ZNF254: variants seen among roughly 807,000 people sequenced by gnomAD.
ZNF254 encodes zinc finger protein 254.
ZNF254 carries 10 observed loss-of-function variants against 12.4 expected under a neutral mutation model. The ratio of observed to expected loss-of-function variants is 0.80; its 90% confidence interval spans 0.50 to 1.36. The LOEUF (loss-of-function observed/expected upper bound fraction) is 1.36, where lower values mean the gene tolerates loss of function less well. ZNF254 is among the 40% of genes most tolerant of loss of function. The pLI is 0.00. For synonymous variants in ZNF254, 305 were observed against 253.4 expected (o/e 1.20, Z -1.93); for missense variants, 996 against 763.9 (o/e 1.30, Z -3.58).
intron 1 of ZNF254, among the ~76,000 whole-genome samples, chr19:24,089,234 C>T (rs1450473245): frequency 1.3e-5 from 2 of 152,114 alleles, no homozygotes; most frequent in Non-Finnish European, 2.9e-5. Flanking sequence ...CCTTGGCCTC[C>T]GAAAGTGCTG....
In ZNF254 at chr19:24,098,988, C is replaced by CTTTTTTTTTTTTTT. The variant is rs927108646; in HGVS notation, c.31-6937_31-6924dup. 5.3e-5 allele frequency: 4 copies of CTTTTTTTTTTTTTT among 74,768 alleles called. 1 individual carries two copies. The highest frequency in any genetic ancestry group is 7.3e-5 in the Non-Finnish European group (3 of 41,288). 4.6% of individuals were successfully genotyped at this position (74,768 alleles called of 1,614,324 possible). ...CTTCTTCTGCAGCTCAGGCTTCGCT[C>CTTTTTTTTTTTTTT]TTTTTTTTTTTTTTTTTTTTTTTTT... On this transcript the variant is annotated intron_variant, in intron 1 of 3. Transcript: ENST00000357002.
At chr19:24,095,487 A>T (rs1972619052) in intron 1 of ZNF254, among the ~76,000 whole-genome samples, 1 of 152,232 alleles carries the variant, frequency 6.6e-6, no homozygotes, top group South Asian at 2.1e-4. Flanking sequence ...TACATCTGAT[A>T]GAATTCAGCT....
intron 3 of ZNF254, among the ~76,000 whole-genome samples, chr19:24,122,463 G>A (rs1163724937): frequency 6.6e-6 from 1 of 152,114 alleles, no homozygotes; most frequent in Non-Finnish European, 1.5e-5. Flanking sequence ...GACCTTAGGT[G>A]ATCCACCCGC....
At chr19:24,093,830 TG>T (rs1972529223) in intron 1 of ZNF254, among the ~76,000 whole-genome samples, 1 of 152,210 alleles carries the variant, frequency 6.6e-6, no homozygotes. Context: ...AAAAATATTT[TG>T]GTCATTTGAT....
intron 2 of ZNF254, among the ~76,000 whole-genome samples, chr19:24,075,723 C>A (rs1426937034): frequency 6.6e-6 from 1 of 152,214 alleles, no homozygotes; most frequent in African/African-American, 2.4e-5. Context: ...AAGCAGAGAA[C>A]TGGTCTGACT....
chr19:24,041,500 G>A (rs940793909), intron 1 of ZNF254, among the ~76,000 whole-genome samples: 88 of 152,358 alleles, frequency 5.8e-4, no homozygotes, highest in Non-Finnish European at 1.1e-3. Flanking sequence ...CAGCAGTGCT[G>A]GCCCACCGGC....
chr19:24,088,098 G>A (rs1304348238), intron 1 of ZNF254, among the ~76,000 whole-genome samples: 1 of 151,788 alleles, frequency 6.6e-6, no homozygotes, highest in Non-Finnish European at 1.5e-5. Flanking sequence ...AGTAGAGACG[G>A]GGTTTTACCA....
intron 2 of ZNF254, among the ~76,000 whole-genome samples, chr19:24,049,186 A>ATT (rs1970529408): frequency 5.2e-5 from 3 of 57,664 alleles, no homozygotes; most frequent in Admixed American, 4.0e-4. Context: ...CTCTGGTTTT[A>ATT]TATATATATA....
intron 3 of ZNF254, among the ~76,000 whole-genome samples, chr19:24,114,213 T>G (rs1973890158): frequency 6.6e-6 from 1 of 152,152 alleles, no homozygotes. Flanking sequence ...AGAGCCCGCA[T>G]CGCCAAGTCA....
At chr19:24,057,983 C>T (rs17272051) in intron 2 of ZNF254, among the ~76,000 whole-genome samples, 22,598 of 152,192 alleles carry the variant, frequency 0.15, 1,942 homozygotes, top group Middle Eastern at 0.23. Context: ...ATCTTCAGAA[C>T]TGGCCCAGCC....
In ZNF254 at chr19:24,126,575, G is replaced by A. The variant is rs1369060224; in HGVS notation, c.575G>A (p.Cys192Tyr). The A allele has an allele frequency of 5.0e-6, 8 of 1,605,286 alleles. No homozygotes were observed. The highest frequency in any genetic ancestry group is 2.3e-5 in the South Asian group (2 of 88,822). ...TGTAAAAAACGTGTCAAATTATTTT[G>A]CATGCTTTCACATAAAACCCAACAC... ...FKCKKRVKLF[C>Y]MLSHKTQHKS... is the part of the protein sequence containing the mutation. The change falls in exon 4 of 4, where the codon TGC becomes TAC. Residue 192 changes from cysteine (C) to tyrosine (Y), a missense_variant. By Grantham distance (194) the Cys-to-Tyr change is radical. Coordinates refer to ENST00000357002, the MANE Select transcript of ZNF254 (RefSeq NM_203282.4).
intron 2 of ZNF254, among the ~76,000 whole-genome samples, chr19:24,068,974 T>C (rs1442611304): frequency 1.3e-5 from 2 of 152,136 alleles, no homozygotes; most frequent in African/African-American, 2.4e-5. Flanking sequence ...GAGAGTGTCA[T>C]CAAGGGACAA....
chr19:24,033,659 C>T (rs1969848281), intron 1 of ZNF254: 3 of 338,010 alleles, frequency 8.9e-6, no homozygotes, highest in South Asian at 4.6e-5. Context: ...AAGGAGAGAG[C>T]GGGCTGTGAA....
intron 3 of ZNF254, among the ~76,000 whole-genome samples, chr19:24,116,258 G>A (rs1297187039): frequency 3.9e-5 from 6 of 152,080 alleles, no homozygotes; most frequent in Non-Finnish European, 7.4e-5. Flanking sequence ...GCTAGATTAG[G>A]GAAGTTCTCC....
intron 3 of ZNF254, among the ~76,000 whole-genome samples, chr19:24,121,970 A>G (rs1007477304): frequency 3.3e-5 from 5 of 152,054 alleles, no homozygotes; most frequent in African/African-American, 2.4e-5. Context: ...TCAACATCCT[A>G]TTTATGAATC....
chr19:24,107,302 C>A, intron 3 of ZNF254: 7 of 566,736 alleles, frequency 1.2e-5, no homozygotes, highest in Non-Finnish European at 1.9e-5. Context: ...GATAATATGG[C>A]AGTTTCATAA....
intron 3 of ZNF254, among the ~76,000 whole-genome samples, chr19:24,111,106 C>T (rs1973650140): frequency 8.6e-6 from 1 of 116,120 alleles, no homozygotes; most frequent in Non-Finnish European, 1.7e-5. Flanking sequence ...TTCCCCCTCC[C>T]CCCACCCCAC....
rs1201356657 is a variant in ZNF254, at chr19:24,128,465, A to G, written c.*485A>G. On this transcript the variant is annotated 3_prime_UTR_variant, in exon 4 of 4. Transcript: ENST00000357002. ...TTTGAAAAAAACATTACACATATGA[A>G]GAGGATTGTAATATCTTTACTTGTA... The G allele has an allele frequency of 1.3e-5, 2 of 152,630 alleles. No individual in the cohort carries two copies. The highest frequency in any genetic ancestry group is 6.5e-5 in the Admixed American group (1 of 15,280). The allele number at this position is 152,630 out of a possible 1,614,324, so 9.5% of individuals were successfully genotyped here.
chr19:24,115,902 G>A (rs1022691804), intron 3 of ZNF254, among the ~76,000 whole-genome samples: 4 of 152,082 alleles, frequency 2.6e-5, no homozygotes, highest in Non-Finnish European at 5.9e-5. Flanking sequence ...TGGTGACAAA[G>A]TCTCTCAGCA....
Sources: allele counts gnomAD v4.1 joint callset (sites outside exome capture counted in the v4.1 genomes callset), GRCh38; gene constraint gnomAD v4.1.1; transcripts MANE v1.5; gene names NCBI Gene and HGNC (gene_info 2026-07-23, HGNC 2026-07-21).